Variants in SUGCT observed in about 807,000 individuals in gnomAD.
SUGCT encodes succinyl-CoA:glutarate CoA-transferase.
Under a neutral mutation model 55.0 loss-of-function variants are expected in SUGCT, and 41 were observed. The observed-to-expected ratio is 0.74, with a 90% confidence interval of 0.58 to 0.97. The LOEUF is 0.97. Ranked by LOEUF, SUGCT falls within the 50% of genes least tolerant of loss-of-function variation. The probability of loss-of-function intolerance (pLI) is 0.00; values close to 1 mark genes in which losing one functional copy is unlikely to be tolerated. For missense variants in SUGCT, 568 were observed against 547.8 expected (o/e 1.04, Z -0.37); for synonymous variants, 187 against 200.4 (o/e 0.93, Z 0.56).
chr7:40,659,163 A>G (rs958892050), intron 12 of SUGCT, among the ~76,000 whole-genome samples: 1 of 152,162 alleles, frequency 6.6e-6, no homozygotes, highest in Non-Finnish European at 1.5e-5. Context: ...TCCCAAAATT[A>G]TGCTTAACCG....
At chr7:40,987,868 A>T in the SUGCT span, among the ~76,000 whole-genome samples, 1 of 152,164 alleles carries the variant, frequency 6.6e-6, no homozygotes, top group Non-Finnish European at 1.5e-5. Context: ...GAAAATAAAT[A>T]CCTTGTTGAT....
intron 9 of SUGCT, among the ~76,000 whole-genome samples, chr7:40,439,943 TG>T (rs941074842): frequency 4.6e-5 from 7 of 152,128 alleles, no homozygotes; most frequent in African/African-American, 1.7e-4. Flanking sequence ...AAGTCTACTT[TG>T]TAGGCATTCT....
rs10660450 is a variant in SUGCT at position 40,389,469 on chromosome 7, A to ACAAACAAACAAACAAACAAACAAG, written c.817-59815_817-59814insACAAACAAACAAACAAACAAGCAA. Reference sequence around the variant, plus strand: ...AACAAACAAACAAACAAACAAACAAACAAGCAAAAAGAAGAGTTACCGAAC... The same window carrying ACAAACAAACAAACAAACAAACAAG: ...AACAAACAAACAAACAAACAAACAAACAAACAAACAAACAAACAAACAAGCAAGCAAAAAGAAGAGTTACCGAAC... On this transcript the variant is annotated intron_variant, in intron 9 of 13. Coordinates refer to ENST00000335693, the MANE Select transcript of SUGCT (RefSeq NM_001193313.2). Among the ~76,000 whole-genome samples the ACAAACAAACAAACAAACAAACAAG allele has an allele frequency of 1.1e-3, 156 of 148,514 alleles. 2 individuals are homozygous for ACAAACAAACAAACAAACAAACAAG. The highest frequency in any genetic ancestry group is 1.8e-3 in the Admixed American group (27 of 14,906).
chr7:40,496,148 C>T, intron 11 of SUGCT, 136 bp from the exon 12 acceptor site: 1 of 589,526 alleles, frequency 1.7e-6, no homozygotes, highest in Non-Finnish European at 3.0e-6. Flanking sequence ...ACAACCTTCT[C>T]TCAAATGAGG....
At chr7:40,678,250 G>A (rs983303781) in intron 12 of SUGCT, among the ~76,000 whole-genome samples, 26 of 152,156 alleles carry the variant, frequency 1.7e-4, no homozygotes, top group African/African-American at 6.3e-4. Flanking sequence ...GGCTACCATA[G>A]CAGCAAAGAT....
Position 40,832,132 on chromosome 7 carries a change from G to A in SUGCT, c.1154-28184G>A, listed in dbSNP as rs182133745. 2.8e-3 allele frequency among the ~76,000 whole-genome samples: 419 copies of A among 152,222 alleles called. 1 individual carries two copies. Among genetic ancestry groups the A allele is most frequent in the African/African-American group, 9.7e-3 (404 of 41,524 alleles). ...CAAATGTGTGGCTGTCCCTGTGTGC[G>A]TCCGGGTATCTCTGGAGAGCACTCA... On this transcript the variant is annotated intron_variant, in intron 13 of 13. Transcript: ENST00000335693.
chr7:40,597,180 A>G lies in SUGCT; in HGVS notation c.1089+100794A>G, dbSNP rs1366399012. Among the ~76,000 whole-genome samples, 8 of 152,346 alleles carry G rather than the reference A, an allele frequency of 5.3e-5. No individual in the cohort carries two copies. In the East Asian group the frequency reaches 1.5e-3, roughly 29 times the overall value. Reference sequence around the variant, plus strand: ...CATCGGATTCTGTTTCTCCAAAAGAAAATCCTTAACATATAAAAATCAGAT... The same window carrying G: ...CATCGGATTCTGTTTCTCCAAAAGAGAATCCTTAACATATAAAAATCAGAT... On this transcript the variant is annotated intron_variant, in intron 12 of 13. Transcript: ENST00000335693.
intron 12 of SUGCT, among the ~76,000 whole-genome samples, chr7:40,696,702 T>C (rs951368224): frequency 7.2e-5 from 11 of 152,354 alleles, no homozygotes; most frequent in Non-Finnish European, 1.5e-4. Flanking sequence ...ACATCAACTC[T>C]TTCATGCTCA....
intron 9 of SUGCT, among the ~76,000 whole-genome samples, chr7:40,395,489 CAAAAAAAAAAA>C (rs36068766): frequency 2.3e-3 from 105 of 46,136 alleles, no homozygotes; most frequent in African/African-American, 7.2e-3. Flanking sequence ...AACTCTGTCT[CAAAAAAAAAAA>C]AAAAAAAAAA....
At chr7:40,234,051 C>T (rs980090544) in intron 6 of SUGCT, among the ~76,000 whole-genome samples, 4 of 152,114 alleles carry the variant, frequency 2.6e-5, no homozygotes, top group African/African-American at 9.7e-5. Flanking sequence ...ATATTTGTGT[C>T]TCTCCCTTGT....
intron 11 of SUGCT, among the ~76,000 whole-genome samples, chr7:40,482,757 C>T (rs963784292): frequency 8.5e-5 from 13 of 152,164 alleles, no homozygotes; most frequent in South Asian, 2.1e-4. Flanking sequence ...AAACAGTTTA[C>T]GTCTGAACTG....
the SUGCT span, among the ~76,000 whole-genome samples, chr7:40,881,794 A>G: frequency 2.0e-5 from 3 of 152,198 alleles, no homozygotes; most frequent in African/African-American, 7.2e-5. Context: ...AACTGTGTTT[A>G]TTCTGAAGCT....
At chr7:40,665,681 G>A (rs1274247997) in intron 12 of SUGCT, among the ~76,000 whole-genome samples, 1 of 151,480 alleles carries the variant, frequency 6.6e-6, no homozygotes, top group Non-Finnish European at 1.5e-5. Context: ...TATAGAGTGG[G>A]GACCAAAACC....
intron 6 of SUGCT, among the ~76,000 whole-genome samples, chr7:40,221,615 C>A (rs939012118): frequency 6.7e-5 from 10 of 150,184 alleles, no homozygotes; most frequent in Non-Finnish European, 1.3e-4. Context: ...CTCAACCTCC[C>A]GAGTAGCTGG....
chr7:40,492,416 C>G (rs1288850874), intron 11 of SUGCT, among the ~76,000 whole-genome samples: 1 of 152,190 alleles, frequency 6.6e-6, no homozygotes, highest in East Asian at 1.9e-4. Context: ...CCATACATCT[C>G]TAGTCTCACC....
At chr7:40,778,603 G>C (rs4720375) in intron 13 of SUGCT, among the ~76,000 whole-genome samples, 2,068 of 152,308 alleles carry the variant, frequency 0.014, 138 homozygotes, top group East Asian at 0.096. Context: ...AGGAACCCTG[G>C]CATCCTGCCC....
intron 9 of SUGCT, among the ~76,000 whole-genome samples, chr7:40,355,965 A>G (rs1399115442): frequency 6.6e-6 from 1 of 152,232 alleles, no homozygotes; most frequent in East Asian, 1.9e-4. Flanking sequence ...TTCCTTTTAC[A>G]TGTCATTACA....
intron 9 of SUGCT, among the ~76,000 whole-genome samples, chr7:40,393,700 A>G (rs368155244): frequency 1.3e-5 from 2 of 152,122 alleles, no homozygotes; most frequent in East Asian, 1.9e-4. Flanking sequence ...GAATAAAGAG[A>G]TAAGTAGAGG....
At chr7:40,835,664 A>T (rs1272109153) in intron 13 of SUGCT, among the ~76,000 whole-genome samples, 1 of 152,180 alleles carries the variant, frequency 6.6e-6, no homozygotes, top group Admixed American at 6.5e-5. Flanking sequence ...GTATATTCTT[A>T]CTTTGTTTCA....
Sources: gnomAD v4.1 joint callset for allele counts (sites outside exome capture counted in the v4.1 genomes callset) on GRCh38, gnomAD v4.1.1 for gene constraint, MANE v1.5 for transcripts, NCBI Gene and HGNC (gene_info 2026-07-23, HGNC 2026-07-21) for gene names.